Variants in TTC22 observed in about 807,000 individuals in gnomAD.
TTC22 encodes tetratricopeptide repeat domain 22.
TTC22 carries 42 observed loss-of-function variants against 48.2 expected under a neutral mutation model. The observed-to-expected ratio is 0.87, with a 90% CI of 0.68 to 1.13. TTC22 has a LOEUF of 1.13. TTC22 is among the 50% of genes most tolerant of loss of function. TTC22 has a pLI of 0.00. For synonymous variants in TTC22, 345 were observed against 365.5 expected (o/e 0.94, Z 0.64); for missense variants, 784 against 807.0 (o/e 0.97, Z 0.34).
At chr1:54,793,306 A>C (rs1209397653) in intron 1 of TTC22, among the ~76,000 whole-genome samples, 2 of 152,162 alleles carry the variant, frequency 1.3e-5, no homozygotes, top group African/African-American at 4.8e-5. Flanking sequence ...AGCATGAGAG[A>C]CAGACCTCAG....
At chr1:54,785,839 C>T (rs2270000) in intron 5 of TTC22, 144 bp downstream of exon 5, 99,174 of 737,892 alleles carry the variant, frequency 0.13, 7,343 homozygotes, top group South Asian at 0.24. Context: ...TTATAGAACC[C>T]AACTGTGTTT....
chr1:54,800,672 G>A lies in TTC22; in HGVS notation c.492C>T (p.Ala164=). 1 of 1,553,010 alleles carries A rather than the reference G, an allele frequency of 6.4e-7. No individual in the cohort carries two copies. Among genetic ancestry groups the A allele is most frequent in the Non-Finnish European group, 8.6e-7 (1 of 1,159,340 alleles). Residue 164 remains alanine, a synonymous_variant, in exon 1 of 7, where the codon GCC becomes GCT. Coordinates refer to ENST00000371276, the MANE Select transcript of TTC22 (RefSeq NM_001114108.2). ...GYAHGFDVGC[A]SPEERARGLA... ...GCCCCCGCGCACGCTCCTCTGGGCT[G>A]GCGCAGCCGACGTCGAAGCCATGCG...
chr1:54,786,205 AACAGTGC>A, intron 4 of TTC22, 61 bp from the exon 5 acceptor site: 1 of 1,500,244 alleles, frequency 6.7e-7, no homozygotes, highest in Non-Finnish European at 9.2e-7. Flanking sequence ...GAGCTGGCTA[AACAGTGC>A]TGAACCACAG....
chr1:54,798,511 AC>A (rs1646409673), intron 1 of TTC22, among the ~76,000 whole-genome samples: 1 of 152,174 alleles, frequency 6.6e-6, no homozygotes, highest in Non-Finnish European at 1.5e-5. Flanking sequence ...GGTGTACAGT[AC>A]TTAGAGATGA....
chr1:54,781,641 G>C lies in TTC22; in HGVS notation c.1312C>G (p.Arg438Gly). ...GATLPELQLL[R>G]GKCLRIKGED... ...CCCTTGATGCGCAGGCACTTGCCGC[G>C]CAGCAGCTGCAGCTCGGGCAGCGTG... Residue 438 changes from arginine to glycine, a missense_variant, in exon 7 of 7, where the codon CGC becomes GGC. Physicochemically the swap from Arg to Gly is moderately radical, Grantham distance 125 (BLOSUM62 -2). Transcript: ENST00000371276. 1 of 1,530,382 alleles carries C rather than the reference G, an allele frequency of 6.5e-7. No individual in the cohort carries two copies. Among genetic ancestry groups the C allele is most frequent in the Non-Finnish European group, 8.7e-7 (1 of 1,144,074 alleles). The allele number at this position is 1,530,382 out of a possible 1,614,324, so 94.8% of individuals were successfully genotyped here.
intron 5 of TTC22, chr1:54,785,602 AG>A (rs1557771567): frequency 2.3e-6 from 1 of 444,442 alleles, no homozygotes; most frequent in Admixed American, 2.5e-5. Context: ...GCTTGAGCCC[AG>A]GAGTTTGAGA....
chr1:54,785,602 A>G (rs1557771554), intron 5 of TTC22: 1 of 444,442 alleles, frequency 2.3e-6, no homozygotes, highest in Non-Finnish European at 4.5e-6. Context: ...GCTTGAGCCC[A>G]GGAGTTTGAG....
In TTC22 at chr1:54,781,593, A is replaced by C; in HGVS notation, c.1360T>G (p.Cys454Gly). Residue 454 changes from cysteine (C) to glycine (G), a missense_variant, in exon 7 of 7, where the codon TGC (cysteine) becomes GGC (glycine). By Grantham distance (159) the Cys-to-Gly change is radical. Transcript: ENST00000371276. ...TCCAGCTCCACTGCGCGCTTGAAGC[A>C]GGCGGCCGCGTTGGCGTCCTCGCCC... ...IKGEDANAAA[C>G]FKRAVELDDA... 1 of 1,524,148 alleles carries C rather than the reference A, an allele frequency of 6.6e-7. No individual in the cohort carries two copies. The highest frequency in any genetic ancestry group is 8.8e-7 in the Non-Finnish European group (1 of 1,141,930). The allele number at this position is 1,524,148 out of a possible 1,614,324, so 94.4% of individuals were successfully genotyped here. A position where few individuals can be genotyped will look rare whatever the true frequency, so the allele number is the denominator to read the frequency against.
chr1:54,791,632 A>G (rs2101460710), intron 1 of TTC22, among the ~76,000 whole-genome samples: 1 of 151,998 alleles, frequency 6.6e-6, no homozygotes, highest in Non-Finnish European at 1.5e-5. Context: ...ATCCTGTGGC[A>G]CCCTGCTGTC....
chr1:54,787,523 G>A (rs1445981441), intron 3 of TTC22, 188 bp downstream of exon 3: 2 of 613,086 alleles, frequency 3.3e-6, no homozygotes, highest in Non-Finnish European at 5.9e-6. Context: ...ACAGTGACTT[G>A]TAGTTGGCAT....
At chr1:54,784,760 G>C in intron 5 of TTC22, 2 of 1,295,568 alleles carry the variant, frequency 1.5e-6, no homozygotes, top group Non-Finnish European at 2.0e-6. Flanking sequence ...AGAAGATGAG[G>C]GGATGGGAGG....
intron 5 of TTC22, chr1:54,784,488 G>A (rs780800485): frequency 1.3e-4 from 123 of 958,868 alleles, no homozygotes; most frequent in Non-Finnish European, 1.5e-4. Context: ...TTTGTAGGAT[G>A]GACATGTCCG....
Position 54,800,743 on chromosome 1 carries a change from C to T in TTC22, c.421G>A (p.Asp141Asn). ...GLAEEPEAAG[D>N]PQLRAARCLA... ...CAGCGAGCGGCGCGGAGCTGGGGGT[C>T]CCCGGCGGCCTCGGGCTCCTCTGCC... Residue 141 changes from aspartate (D) to asparagine (N), a missense_variant, in exon 1 of 7, where the codon GAC becomes AAC. Physicochemically the swap from Asp to Asn is conservative, Grantham distance 23. Coordinates refer to ENST00000371276, the MANE Select transcript of TTC22 (RefSeq NM_001114108.2). 1 of 1,545,488 alleles carries T rather than the reference C, an allele frequency of 6.5e-7. No homozygotes were observed. Among genetic ancestry groups the T allele is most frequent in the African/African-American group, 1.4e-5 (1 of 73,270 alleles).
Position 54,781,425 on chromosome 1 carries a change from C to T in TTC22, c.1528G>A (p.Ala510Thr). 1 of 1,416,578 alleles carries T rather than the reference C, an allele frequency of 7.1e-7. No individual in the cohort carries two copies. The highest frequency in any genetic ancestry group is 9.1e-7 in the Non-Finnish European group (1 of 1,095,830). 87.8% of individuals were successfully genotyped at this position (1,416,578 alleles called of 1,614,324 possible). A position where few individuals can be genotyped will look rare whatever the true frequency, so the allele number is the denominator to read the frequency against. The change falls in exon 7 of 7, where the codon GCG (alanine) becomes ACG (threonine). Residue 510 changes from alanine to threonine, a missense_variant. Physicochemically the swap from Ala to Thr is moderately conservative, Grantham distance 58. Transcript: ENST00000371276. Reference sequence around the variant, plus strand: ...TGCAGCTCCTGGCGCAGGCGCGCCGCGGGGTACTTGTCCTGGGCGCGGCGC... The same window carrying T: ...TGCAGCTCCTGGCGCAGGCGCGCCGTGGGGTACTTGTCCTGGGCGCGGCGC... ...WLRRAQDKYPAARLRQELQRV... is the reference protein window; with the variant it reads ...WLRRAQDKYPTARLRQELQRV...
chr1:54,798,148 C>A (rs796911373), intron 1 of TTC22, among the ~76,000 whole-genome samples: 118 of 152,350 alleles, frequency 7.7e-4, no homozygotes, highest in African/African-American at 2.6e-3. Flanking sequence ...AAAGGCTGTG[C>A]AGTCAACCAG....
rs1646437119 is a variant in TTC22, at chr1:54,801,311, GC to G, written c.-149del. ...CGCTGCGGCCTCTCGGTCTCAGGGCGCCTCCCGCAGGTGGGTGGGCCCGAGG... is the reference window on the plus strand; with the variant it reads ...CGCTGCGGCCTCTCGGTCTCAGGGCGCTCCCGCAGGTGGGTGGGCCCGAGG... On this transcript the variant is annotated 5_prime_UTR_variant, in exon 1 of 7. Coordinates refer to ENST00000371276, the MANE Select transcript of TTC22 (RefSeq NM_001114108.2). The G allele has an allele frequency of 1.3e-6, 1 of 773,478 alleles. No homozygotes were observed. The highest frequency in any genetic ancestry group is 1.7e-5 in the South Asian group (1 of 59,444). The allele number at this position is 773,478 out of a possible 1,614,324, so 47.9% of individuals were successfully genotyped here.
chr1:54,787,262 C>A (rs1033327440), intron 3 of TTC22, 187 bp from the exon 4 acceptor site: 4 of 540,412 alleles, frequency 7.4e-6, no homozygotes, highest in African/African-American at 5.8e-5. Context: ...GTTAGTGAAC[C>A]CATTTTAGTG....
At chr1:54,799,067 A>G (rs1646413299) in intron 1 of TTC22, among the ~76,000 whole-genome samples, 1 of 152,230 alleles carries the variant, frequency 6.6e-6, no homozygotes, top group Non-Finnish European at 1.5e-5. Context: ...CAGATGATAA[A>G]TAGGGTCTCC....
intron 4 of TTC22, chr1:54,786,515 G>A: frequency 4.0e-6 from 1 of 252,846 alleles, no homozygotes; most frequent in East Asian, 9.8e-5. Flanking sequence ...AAAGTACAGG[G>A]TTTCTACCTG....
Sources: gnomAD v4.1 joint callset for allele counts (sites outside exome capture counted in the v4.1 genomes callset) on GRCh38, gnomAD v4.1.1 for gene constraint, MANE v1.5 for transcripts, NCBI Gene and HGNC (gene_info 2026-07-23, HGNC 2026-07-21) for gene names.